GKAP1: variants seen among roughly 807,000 people sequenced by gnomAD.
GKAP1 encodes G kinase-anchoring protein 1.
GKAP1 carries 31 observed loss-of-function variants against 56.7 expected under a neutral mutation model. That is an observed-to-expected ratio of 0.55 (90% CI 0.41 to 0.74). GKAP1 has a LOEUF of 0.74. Among genes scored for constraint, GKAP1 ranks in the 30% least tolerant of loss-of-function variants. The pLI, the probability that GKAP1 is intolerant of heterozygous loss-of-function variation, is 0.00. For missense variants in GKAP1, 364 were observed against 402.3 expected (o/e 0.90, Z 0.82); for synonymous variants, 151 against 138.6 (o/e 1.09, Z -0.63).
intron 6 of GKAP1, among the ~76,000 whole-genome samples, chr9:83,782,225 G>T (rs568373948): frequency 6.6e-6 from 1 of 152,016 alleles, no homozygotes; most frequent in South Asian, 2.1e-4. Context: ...GCTCACTATA[G>T]CTAGCCTCTG....
At chr9:83,791,957 C>G (rs1944166731) in intron 4 of GKAP1, among the ~76,000 whole-genome samples, 1 of 152,110 alleles carries the variant, frequency 6.6e-6, no homozygotes. Context: ...AATAGATATA[C>G]TATGGGATAC....
At chr9:83,813,652 C>G (rs879540281) in intron 2 of GKAP1, among the ~76,000 whole-genome samples, 22 of 152,138 alleles carry the variant, frequency 1.4e-4, no homozygotes, top group Non-Finnish European at 2.9e-4. Context: ...AAAATAAATT[C>G]ACACGATAAT....
At chr9:83,761,115 G>A (rs1165569142) in intron 8 of GKAP1, among the ~76,000 whole-genome samples, 2 of 145,512 alleles carry the variant, frequency 1.4e-5, no homozygotes, top group Admixed American at 6.8e-5. Flanking sequence ...AATTAAACTT[G>A]AAAAAAAACC....
intron 4 of GKAP1, among the ~76,000 whole-genome samples, chr9:83,793,275 C>T (rs182800539): frequency 8.5e-5 from 13 of 152,288 alleles, no homozygotes; most frequent in Admixed American, 7.2e-4. Flanking sequence ...AAGAGATCAC[C>T]ATTCTGAAGA....
rs567959334 is a variant in GKAP1, at chr9:83,743,342, C to A, written c.905-742G>T. On this transcript the variant is annotated intron_variant, in intron 10 of 12. Coordinates refer to ENST00000376371, the MANE Select transcript of GKAP1 (RefSeq NM_025211.4). ...AATTATGGTAGCTCACACCTGTAAT[C>A]CTAGCACTTTGGGAGGCTGAGGCAG... Among the ~76,000 whole-genome samples the A allele has an allele frequency of 9.2e-5, 14 of 152,148 alleles. No homozygotes were observed. In the East Asian group the frequency reaches 2.3e-3, roughly 25 times the overall value.
At chr9:83,775,874 C>CAAAAA (rs55669011) in intron 7 of GKAP1, among the ~76,000 whole-genome samples, 20 of 43,688 alleles carry the variant, frequency 4.6e-4, no homozygotes, top group East Asian at 9.0e-4. Context: ...GACTCTGTCT[C>CAAAAA]AAAAAAAAAA....
rs370259559 is a variant in GKAP1 at position 83,741,892 on chromosome 9, C to T, written c.1053+60G>A. 13 of 997,732 alleles carry T rather than the reference C, an allele frequency of 1.3e-5. No individual in the cohort carries two copies. The East Asian group carries it at 3.0e-4, about 23-fold the overall frequency. 61.8% of individuals were successfully genotyped at this position (997,732 alleles called of 1,614,324 possible). On this transcript the variant is annotated intron_variant, in intron 12 of 12. Coordinates refer to ENST00000376371, the MANE Select transcript of GKAP1 (RefSeq NM_025211.4). ...ATAAAATACTGCATTTATTCTCACA[C>T]AGTATCTACTCCAAATGTATTATTT...
chr9:83,808,920 G>A (rs534253129), intron 2 of GKAP1, among the ~76,000 whole-genome samples: 1 of 152,288 alleles, frequency 6.6e-6, no homozygotes, highest in East Asian at 1.9e-4. Context: ...GAAGCATATA[G>A]TGAGATGGAA....
chr9:83,747,433 A>C (rs1053794139), intron 10 of GKAP1, among the ~76,000 whole-genome samples: 2 of 152,202 alleles, frequency 1.3e-5, no homozygotes, highest in Non-Finnish European at 2.9e-5. Flanking sequence ...AGGAAAACCT[A>C]AAGTGATGAC....
At chr9:83,788,960 A>G (rs1944110804) in intron 4 of GKAP1, 2 of 224,318 alleles carry the variant, frequency 8.9e-6, no homozygotes, top group Non-Finnish European at 1.7e-5. Context: ...ATCTTACCAA[A>G]TAATTGGCAC....
chr9:83,802,934 C>G (rs1944355868), intron 3 of GKAP1, among the ~76,000 whole-genome samples: 1 of 151,782 alleles, frequency 6.6e-6, no homozygotes, highest in Non-Finnish European at 1.5e-5. Context: ...ATGATGAAAC[C>G]CTGTCTCTAC....
intron 7 of GKAP1, among the ~76,000 whole-genome samples, chr9:83,769,702 T>C (rs1169859348): frequency 1.3e-5 from 2 of 152,248 alleles, no homozygotes; most frequent in Non-Finnish European, 2.9e-5. Context: ...CAAGATTTTG[T>C]GTGGACGTAT....
chr9:83,785,570 G>A (rs1944050588), intron 5 of GKAP1, among the ~76,000 whole-genome samples: 1 of 152,086 alleles, frequency 6.6e-6, no homozygotes, highest in South Asian at 2.1e-4. Flanking sequence ...TGTCTAAGTT[G>A]GAAACCTCAG....
At chr9:83,766,152 T>G (rs910400264) in intron 8 of GKAP1, among the ~76,000 whole-genome samples, 22 of 152,128 alleles carry the variant, frequency 1.4e-4, no homozygotes, top group African/African-American at 4.8e-4. Context: ...ACTCATGAGA[T>G]CTAATGGTCT....
At chr9:83,791,559 A>G (rs1944160540) in intron 4 of GKAP1, among the ~76,000 whole-genome samples, 1 of 152,200 alleles carries the variant, frequency 6.6e-6, no homozygotes, top group Non-Finnish European at 1.5e-5. Flanking sequence ...AAAATGATTT[A>G]AATTTAAATT....
intron 2 of GKAP1, among the ~76,000 whole-genome samples, chr9:83,810,521 T>C (rs1359118073): frequency 1.3e-5 from 2 of 152,238 alleles, no homozygotes; most frequent in African/African-American, 2.4e-5. Context: ...TTTTTCCATC[T>C]AGTTCAGTAC....
chr9:83,781,751 T>G (rs541834974), intron 6 of GKAP1, among the ~76,000 whole-genome samples: 26 of 152,294 alleles, frequency 1.7e-4, no homozygotes, highest in African/African-American at 3.8e-4. Flanking sequence ...TTTCTCAAAT[T>G]TACATACCAT....
intron 8 of GKAP1, among the ~76,000 whole-genome samples, chr9:83,762,166 CA>C (rs1943583727): frequency 6.6e-6 from 1 of 151,846 alleles, no homozygotes; most frequent in African/African-American, 2.4e-5. Context: ...CTAAAGGCTC[CA>C]CAAAAAAACT....
chr9:83,764,278 C>T (rs1021968489), intron 8 of GKAP1, among the ~76,000 whole-genome samples: 3 of 151,962 alleles, frequency 2.0e-5, no homozygotes, highest in Admixed American at 6.6e-5. Flanking sequence ...TACTGCTCTC[C>T]GGTTAGTGAG....
Sources: gnomAD v4.1 joint callset for allele counts (sites outside exome capture counted in the v4.1 genomes callset) on GRCh38, gnomAD v4.1.1 for gene constraint, MANE v1.5 for transcripts, NCBI Gene and HGNC (gene_info 2026-07-23, HGNC 2026-07-21) for gene names.